The following SLC15A1 variants were observed in gnomAD, a reference collection of about 807,000 sequenced individuals.
SLC15A1 encodes solute carrier family 15 member 1.
SLC15A1 carries 83 observed loss-of-function variants against 92.9 expected under a neutral mutation model. The observed-to-expected ratio is 0.89, with a 90% confidence interval of 0.75 to 1.07. The LOEUF is 1.07. SLC15A1 is among the 50% of genes least tolerant of loss of function. The pLI is 0.00. For synonymous variants in SLC15A1, 322 were observed against 318.2 expected, an observed-to-expected ratio of 1.01 and a Z score of -0.13; for missense variants, 857 against 880.1, an observed-to-expected ratio of 0.97 and a Z score of 0.33.
chr13:98,702,593 T>C lies in SLC15A1; in HGVS notation c.1417-64A>G. The stretch of plus-strand genomic sequence containing the variant: ...TAATATTCATTAGAATGAGTTCAGA[T>C]GAATATTTCAGTCTTTGAGAAGGTG... On this transcript the variant is annotated intron_variant, in intron 17 of 22. Coordinates refer to ENST00000376503, the MANE Select transcript of SLC15A1 (RefSeq NM_005073.4). 3.8e-6 allele frequency: 5 copies of C among 1,307,168 alleles called. No homozygotes were observed. In the South Asian group the frequency reaches 4.8e-5, roughly 12 times the overall value. The allele number at this position is 1,307,168 out of a possible 1,614,324, so 81.0% of individuals were successfully genotyped here. A position where few individuals can be genotyped will look rare whatever the true frequency, so the allele number is the denominator to read the frequency against.
chr13:98,747,342 A>G (rs2088501116), intron 1 of SLC15A1, among the ~76,000 whole-genome samples: 1 of 152,122 alleles, frequency 6.6e-6, no homozygotes, highest in Admixed American at 6.5e-5. Context: ...CAAAGCATAG[A>G]ATCAAGACGC....
intron 5 of SLC15A1, among the ~76,000 whole-genome samples, chr13:98,722,385 C>T (rs535540515): frequency 1.8e-3 from 274 of 152,148 alleles, no homozygotes; most frequent in Non-Finnish European, 3.5e-3. Flanking sequence ...AGGAAATAGA[C>T]TAAAAGATTT....
chr13:98,685,529 T>G (rs2087922521), intron 22 of SLC15A1, among the ~76,000 whole-genome samples: 1 of 152,234 alleles, frequency 6.6e-6, no homozygotes, highest in Non-Finnish European at 1.5e-5. Flanking sequence ...TCAGGTGTTA[T>G]GAAAGTTCCA....
intron 8 of SLC15A1, among the ~76,000 whole-genome samples, chr13:98,717,721 CTG>C (rs1338950148): frequency 6.6e-6 from 1 of 152,178 alleles, no homozygotes; most frequent in African/African-American, 2.4e-5. Context: ...AATTGCTACA[CTG>C]TGAGCAAAAG....
At chr13:98,706,777 C>T (rs9517413) in intron 15 of SLC15A1, among the ~76,000 whole-genome samples, 106,069 of 152,076 alleles carry the variant, frequency 0.7, 38,347 homozygotes, top group African/African-American at 0.86. Flanking sequence ...GTCTTGGGTA[C>T]GTCTTTATCA....
intron 9 of SLC15A1, among the ~76,000 whole-genome samples, chr13:98,713,028 AT>A (rs2088178248): frequency 1.3e-5 from 2 of 152,142 alleles, no homozygotes; most frequent in African/African-American, 2.4e-5. Flanking sequence ...TCCAGAGAAT[AT>A]TTTACACTTA....
intron 1 of SLC15A1, among the ~76,000 whole-genome samples, chr13:98,731,024 G>A (rs1424724076): frequency 6.6e-6 from 1 of 152,226 alleles, no homozygotes; most frequent in Non-Finnish European, 1.5e-5. Context: ...TCAAGTGACA[G>A]TCACGGCTTC....
chr13:98,726,490 C>G (rs367848930), intron 2 of SLC15A1, 41 bp from the exon 3 acceptor site: 9 of 1,569,546 alleles, frequency 5.7e-6, no homozygotes, highest in Admixed American at 1.7e-5. Flanking sequence ...AATACACCCC[C>G]CACTGGTCCA....
At chr13:98,742,243 G>A (rs567379355) in intron 1 of SLC15A1, among the ~76,000 whole-genome samples, 26 of 152,306 alleles carry the variant, frequency 1.7e-4, no homozygotes, top group South Asian at 1.0e-3. Flanking sequence ...CCACTCAGCC[G>A]CAGCCTGGCC....
In SLC15A1 at chr13:98,724,073, A is replaced by G. The variant is rs1237955725; in HGVS notation, c.246-42T>C. 8.1e-6 allele frequency: 13 copies of G among 1,609,708 alleles called. No individual in the cohort carries two copies. In the Admixed American group the frequency reaches 1.3e-4, roughly 17 times the overall value. ...TAAGAGAATCCGAGTTAATTGCACA[A>G]TAGCCATCCACTTTTGACTCCACCA... On this transcript the variant is annotated intron_variant, in intron 4 of 22. Transcript: ENST00000376503.
chr13:98,714,830 C>T, intron 9 of SLC15A1, among the ~76,000 whole-genome samples: 1 of 151,342 alleles, frequency 6.6e-6, no homozygotes, highest in Non-Finnish European at 1.5e-5. Context: ...ACAACATATA[C>T]AGTATGTTCA....
intron 18 of SLC15A1, among the ~76,000 whole-genome samples, chr13:98,695,169 G>A (rs1246913337): frequency 5.9e-5 from 9 of 152,172 alleles, no homozygotes; most frequent in Middle Eastern, 3.4e-3. Flanking sequence ...GCTTAACAAC[G>A]TGTTGTTTAT....
rs746854287 is a variant in SLC15A1 at position 98,723,932 on chromosome 13, G to A, written c.345C>T (p.Pro115=). 13 of 1,613,968 alleles carry A rather than the reference G, an allele frequency of 8.1e-6. No individual in the cohort carries two copies. The highest frequency in any genetic ancestry group is 4.0e-5 in the African/African-American group (3 of 74,924). Residue 115 remains proline, a synonymous_variant, in exon 5 of 23, where the codon CCC becomes CCT. Transcript: ENST00000376503. ...DLTDHNHDGT[P]DSLPVHVVLS... is the part of the protein sequence containing the mutation. Reference sequence around the variant, plus strand: ...CTCACACGTGCACAGGAAGGCTGTCGGGGGTGCCATCATGGTTGTGGTCTG... The same window carrying A: ...CTCACACGTGCACAGGAAGGCTGTCAGGGGTGCCATCATGGTTGTGGTCTG...
At chr13:98,721,608 A>G in intron 6 of SLC15A1, 23 bp from the exon 7 acceptor site, 1 of 1,544,508 alleles carries the variant, frequency 6.5e-7, no homozygotes, top group Non-Finnish European at 8.9e-7. Context: ...GGAGAAAGTA[A>G]GATGACTTTG....
chr13:98,696,382 C>T (rs970459652), intron 18 of SLC15A1, among the ~76,000 whole-genome samples: 1 of 151,882 alleles, frequency 6.6e-6, no homozygotes, highest in African/African-American at 2.4e-5. Context: ...CAGTGCACTC[C>T]AGCCTGGATG....
intron 20 of SLC15A1, 74 bp from the exon 21 acceptor site, chr13:98,687,798 A>G: frequency 6.5e-7 from 1 of 1,535,706 alleles, no homozygotes; most frequent in Non-Finnish European, 8.9e-7. Flanking sequence ...AGGTAAATTG[A>G]GTTTGACCTT....
chr13:98,688,815 G>T (rs1323243879), intron 18 of SLC15A1, among the ~76,000 whole-genome samples: 1 of 152,184 alleles, frequency 6.6e-6, no homozygotes, highest in Non-Finnish European at 1.5e-5. Context: ...GCTGGTTACT[G>T]CTCTAAGTAC....
chr13:98,738,814 G>C (rs1401446294), intron 1 of SLC15A1, among the ~76,000 whole-genome samples: 1 of 152,232 alleles, frequency 6.6e-6, no homozygotes, highest in East Asian at 1.9e-4. Context: ...TTGAGGCATT[G>C]CCTAGTGGAG....
intron 9 of SLC15A1, among the ~76,000 whole-genome samples, chr13:98,713,871 AC>A (rs2088188284): frequency 1.3e-5 from 2 of 152,028 alleles, no homozygotes; most frequent in Admixed American, 6.6e-5. Flanking sequence ...ACATAGCAAA[AC>A]CCTGTCTCTA....
Sources: allele counts gnomAD v4.1 joint callset (sites outside exome capture counted in the v4.1 genomes callset), GRCh38; gene constraint gnomAD v4.1.1; transcripts MANE v1.5; gene names NCBI Gene and HGNC (gene_info 2026-07-23, HGNC 2026-07-21).